MYSM1: variants seen among roughly 807,000 people sequenced by gnomAD.
The protein encoded by MYSM1 is deubiquitinase MYSM1.
In MYSM1, 51 loss-of-function variants were observed where a neutral mutation model predicts 116.0. That is an observed-to-expected ratio of 0.44 (90% confidence interval 0.35 to 0.56). MYSM1 has a LOEUF of 0.56. MYSM1 is among the 20% of genes least tolerant of loss of function. The pLI is 0.00. For synonymous variants in MYSM1, 313 were observed against 315.2 expected (o/e 0.99, Z 0.07); for missense variants, 900 against 974.9 (o/e 0.92, Z 1.02).
chr1:58,676,809 G>T, intron 9 of MYSM1, 117 bp downstream of exon 9: 1 of 995,650 alleles, frequency 1.0e-6, no homozygotes, highest in Non-Finnish European at 1.4e-6. Flanking sequence ...TAATGTTACA[G>T]CACCTCTGAA....
chr1:58,688,631 T>C (rs1244013703), intron 6 of MYSM1, among the ~76,000 whole-genome samples: 1 of 151,994 alleles, frequency 6.6e-6, no homozygotes, highest in East Asian at 1.9e-4. Flanking sequence ...AATGCCAAAT[T>C]ATCTGAATAA....
At chr1:58,697,123 C>T (rs985378273) in intron 1 of MYSM1, among the ~76,000 whole-genome samples, 12 of 152,154 alleles carry the variant, frequency 7.9e-5, no homozygotes, top group African/African-American at 2.7e-4. Flanking sequence ...TAGACAGAAT[C>T]AACAGCCCTA....
chr1:58,674,169 A>C (rs1483709858), intron 10 of MYSM1, among the ~76,000 whole-genome samples: 2 of 152,180 alleles, frequency 1.3e-5, no homozygotes, highest in Non-Finnish European at 2.9e-5. Flanking sequence ...AGGAACAAAA[A>C]TATTTTTAAG....
chr1:58,674,040 T>G (rs950042802), intron 10 of MYSM1, among the ~76,000 whole-genome samples: 1 of 151,944 alleles, frequency 6.6e-6, no homozygotes, highest in South Asian at 2.1e-4. Context: ...AAATTTTGGG[T>G]TTTTTTTGAG....
intron 18 of MYSM1, 54 bp downstream of exon 18, chr1:58,661,352 T>G (rs4912364): frequency 0.4 from 534,884 of 1,344,334 alleles, 108,552 homozygotes; most frequent in Non-Finnish European, 0.42. Flanking sequence ...CTCTGAAACA[T>G]AATTTAATGA....
At chr1:58,667,705 T>C (rs1644495020) in intron 15 of MYSM1, 142 bp downstream of exon 15, 1 of 597,488 alleles carries the variant, frequency 1.7e-6, no homozygotes. Context: ...TCTGGGAATA[T>C]ATAACTTGCT....
chr1:58,697,380 G>A (rs370954823), intron 1 of MYSM1, among the ~76,000 whole-genome samples: 21 of 152,160 alleles, frequency 1.4e-4, no homozygotes, highest in Non-Finnish European at 7.4e-5. Context: ...TAACAGATTC[G>A]GGAAACATCA....
At chr1:58,674,311 G>A (rs78525514) in intron 10 of MYSM1, among the ~76,000 whole-genome samples, 1 of 152,260 alleles carries the variant, frequency 6.6e-6, no homozygotes, top group East Asian at 1.9e-4. Flanking sequence ...CTTTAGAAAG[G>A]AGGTGGCCTA....
At chr1:58,685,327 A>T in intron 6 of MYSM1, 76 bp from the exon 7 acceptor site, 2 of 489,782 alleles carry the variant, frequency 4.1e-6, no homozygotes, top group East Asian at 4.7e-5. Flanking sequence ...TACCACATTA[A>T]AAAAAAAAAA....
chr1:58,688,430 A>G (rs1644859196), intron 6 of MYSM1, among the ~76,000 whole-genome samples: 1 of 151,568 alleles, frequency 6.6e-6, no homozygotes, highest in Non-Finnish European at 1.5e-5. Flanking sequence ...TTAAAAAAAA[A>G]TCCTAAGTAT....
chr1:58,690,024 G>A (rs1013100685), intron 5 of MYSM1, among the ~76,000 whole-genome samples: 17 of 151,990 alleles, frequency 1.1e-4, no homozygotes, highest in African/African-American at 1.7e-4. Context: ...CCTACATAGG[G>A]CCATGAAAGA....
chr1:58,668,923 T>TGC, intron 13 of MYSM1, 61 bp downstream of exon 13: 1 of 1,206,892 alleles, frequency 8.3e-7, no homozygotes, highest in African/African-American at 3.3e-5. Context: ...AGAGTAAGCA[T>TGC]TTCCTGTTTG....
At chr1:58,666,737 G>A (rs1417459342) in intron 16 of MYSM1, among the ~76,000 whole-genome samples, 3 of 151,540 alleles carry the variant, frequency 2.0e-5, no homozygotes, top group Non-Finnish European at 2.9e-5. Context: ...AGCTAGGCGT[G>A]GTGGTGCACG....
chr1:58,692,392 G>A (rs1299266652), intron 3 of MYSM1: 1 of 152,298 alleles, frequency 6.6e-6, no homozygotes, highest in East Asian at 1.9e-4. Flanking sequence ...CACAAATGTA[G>A]GGAAAACATC....
intron 5 of MYSM1, chr1:58,689,741 G>T (rs766332567): frequency 1.9e-5 from 3 of 154,242 alleles, no homozygotes; most frequent in African/African-American, 7.2e-5. Flanking sequence ...TTGCAAATAC[G>T]TAAACCACCC....
chr1:58,661,802 A>G (rs984768719), intron 17 of MYSM1, among the ~76,000 whole-genome samples: 2 of 152,204 alleles, frequency 1.3e-5, no homozygotes, highest in African/African-American at 4.8e-5. Context: ...TTATCACCTA[A>G]ACCAAGAGAC....
chr1:58,694,513 C>T (rs530904848), intron 2 of MYSM1, among the ~76,000 whole-genome samples: 33 of 151,862 alleles, frequency 2.2e-4, no homozygotes, highest in South Asian at 4.2e-4. Flanking sequence ...CCCAGCTACT[C>T]GGGAGACTGA....
At position 58,675,549 on chromosome 1, in the gene MYSM1, A is replaced by T. The variant is rs771864459; in HGVS notation, c.1422T>A (p.Val474=). ...TTCTGTCTCTGATTCGTACTTTGTCAACTGTTTGTGGCCTATTATACACAG... is the reference window on the plus strand; with the variant it reads ...TTCTGTCTCTGATTCGTACTTTGTCTACTGTTTGTGGCCTATTATACACAG... ...EQAVYNRPQT[V]DKVRIRDRKD... The change falls in exon 10 of 20, where the codon GTT becomes GTA. Residue 474 remains valine (V), a synonymous_variant. Coordinates refer to ENST00000472487, the MANE Select transcript of MYSM1 (RefSeq NM_001085487.3). 1 of 1,613,712 alleles carries T rather than the reference A, an allele frequency of 6.2e-7. No individual in the cohort carries two copies. The highest frequency in any genetic ancestry group is 8.5e-7 in the Non-Finnish European group (1 of 1,179,840).
chr1:58,669,516 C>T (rs550795328), intron 12 of MYSM1, among the ~76,000 whole-genome samples: 239 of 152,144 alleles, frequency 1.6e-3, no homozygotes, highest in Non-Finnish European at 2.8e-3. Context: ...ATGTATTACT[C>T]CTATCATAAA....
Sources: gnomAD v4.1 joint callset for allele counts (sites outside exome capture counted in the v4.1 genomes callset) on GRCh38, gnomAD v4.1.1 for gene constraint, MANE v1.5 for transcripts, NCBI Gene and HGNC (gene_info 2026-07-23, HGNC 2026-07-21) for gene names.